Variants in CCDC192 observed in about 807,000 individuals in gnomAD.
The protein encoded by CCDC192 is coiled-coil domain-containing protein 192.
chr5:127,828,298 A>G (rs374373275), intron 5 of CCDC192, among the ~76,000 whole-genome samples: 1 of 152,214 alleles, frequency 6.6e-6, no homozygotes, highest in Non-Finnish European at 1.5e-5. Context: ...TTCAAGTTCT[A>G]TATATGTGGT....
intron 5 of CCDC192, among the ~76,000 whole-genome samples, chr5:127,811,949 C>T (rs1235877670): frequency 6.6e-6 from 1 of 152,162 alleles, no homozygotes; most frequent in Non-Finnish European, 1.5e-5. Context: ...TGAGTATAAA[C>T]TGCATGTATA....
chr5:127,738,652 A>G (rs1425651237), intron 2 of CCDC192, among the ~76,000 whole-genome samples: 1 of 150,368 alleles, frequency 6.7e-6, no homozygotes, highest in East Asian at 2.0e-4. Flanking sequence ...TTTTCTCTAA[A>G]CTTCCCTTCT....
At position 127,706,010 on chromosome 5, in the gene CCDC192, G is replaced by C. The variant is rs369631761; in HGVS notation, c.63-1699G>C. ...CTGATTTGGGTGTCGTGCGAGAAAAGCAATTACATCTCTTAGAGCACCAGT... is the reference window on the plus strand; with the variant it reads ...CTGATTTGGGTGTCGTGCGAGAAAACCAATTACATCTCTTAGAGCACCAGT... On this transcript the variant is annotated intron_variant, in intron 1 of 6. Transcript: ENST00000514853. 1.4e-4 allele frequency among the ~76,000 whole-genome samples: 21 copies of C among 152,258 alleles called. No individual in the cohort carries two copies. The South Asian group carries it at 2.3e-3, about 17-fold the overall frequency.
intron 6 of CCDC192, chr5:127,935,297 G>C (rs927212179): frequency 6.6e-6 from 1 of 152,196 alleles, no homozygotes; most frequent in Admixed American, 6.5e-5. Context: ...GACTATGGAG[G>C]ATACTTGGGA....
intron 3 of CCDC192, among the ~76,000 whole-genome samples, chr5:127,757,661 G>T (rs1479379671): frequency 6.6e-6 from 1 of 151,548 alleles, no homozygotes; most frequent in Non-Finnish European, 1.5e-5. Flanking sequence ...TAGAACACCT[G>T]TCACAAACAA....
chr5:127,804,284 A>G (rs1030409195), intron 5 of CCDC192, among the ~76,000 whole-genome samples: 5 of 152,142 alleles, frequency 3.3e-5, no homozygotes, highest in African/African-American at 9.7e-5. Flanking sequence ...ATACCCAGAT[A>G]TTCTCTACAA....
intron 6 of CCDC192, among the ~76,000 whole-genome samples, chr5:127,930,227 CTAAAG>C (rs1210688455): frequency 5.1e-4 from 16 of 31,100 alleles, no homozygotes; most frequent in Admixed American, 1.1e-3. Flanking sequence ...CTAAACTAAA[CTAAAG>C]TAAACTAAAC....
intron 3 of CCDC192, among the ~76,000 whole-genome samples, chr5:127,772,477 A>G (rs1755616916): frequency 6.6e-6 from 1 of 151,794 alleles, no homozygotes; most frequent in African/African-American, 2.4e-5. Flanking sequence ...AAAAAAAAAA[A>G]AAAAAAGTCA....
chr5:127,871,009 G>A (rs952177491), intron 5 of CCDC192, among the ~76,000 whole-genome samples: 9 of 152,242 alleles, frequency 5.9e-5, no homozygotes, highest in East Asian at 3.9e-4. Context: ...GGCTCTCTAA[G>A]TGAAGGAGGC....
chr5:127,938,124 C>A (rs907673407), intron 6 of CCDC192, among the ~76,000 whole-genome samples: 1 of 152,080 alleles, frequency 6.6e-6, no homozygotes, highest in African/African-American at 2.4e-5. Flanking sequence ...TCACTTCGAC[C>A]CACCTGAATC....
chr5:127,787,064 T>A, intron 3 of CCDC192: 2 of 280,362 alleles, frequency 7.1e-6, no homozygotes, highest in South Asian at 1.0e-4. Context: ...TCTAAAGCTG[T>A]CCAGTGCAGC....
At chr5:127,785,093 CTG>C in intron 3 of CCDC192, 1 of 516,924 alleles carries the variant, frequency 1.9e-6, no homozygotes, top group Non-Finnish European at 3.9e-6. Context: ...TAGGCATCTT[CTG>C]TGTTGTACTG....
intron 3 of CCDC192, among the ~76,000 whole-genome samples, chr5:127,793,121 A>G (rs1247685327): frequency 6.6e-6 from 1 of 152,210 alleles, no homozygotes; most frequent in Non-Finnish European, 1.5e-5. Flanking sequence ...ATATGTACAT[A>G]TACTTTCTGA....
intron 5 of CCDC192, among the ~76,000 whole-genome samples, chr5:127,875,107 C>T (rs2127133456): frequency 6.6e-6 from 1 of 152,148 alleles, no homozygotes; most frequent in South Asian, 2.1e-4. Flanking sequence ...GAAAGCAAAC[C>T]ATTATGGTGT....
At chr5:127,861,419 C>G (rs1751365133) in intron 5 of CCDC192, among the ~76,000 whole-genome samples, 1 of 151,242 alleles carries the variant, frequency 6.6e-6, no homozygotes, top group East Asian at 2.0e-4. Flanking sequence ...GTTTTGGAGG[C>G]CGAGGTGGGC....
chr5:127,706,525 G>GAAAAAAAAAAAAA (rs1224118510), intron 1 of CCDC192, among the ~76,000 whole-genome samples: 1 of 60,278 alleles, frequency 1.7e-5, no homozygotes, highest in African/African-American at 6.9e-5. Flanking sequence ...CTCCATCTCA[G>GAAAAAAAAAAAAA]AAAAAAAAAA....
chr5:127,870,212 G>T (rs1333372909), intron 5 of CCDC192, among the ~76,000 whole-genome samples: 2 of 152,148 alleles, frequency 1.3e-5, no homozygotes, highest in Non-Finnish European at 2.9e-5. Context: ...TAAAGGGAAA[G>T]AACAATACCT....
intron 3 of CCDC192, among the ~76,000 whole-genome samples, chr5:127,775,430 TCTTGCCCATGTTTTCCC>T: frequency 6.6e-6 from 1 of 152,184 alleles, no homozygotes; most frequent in Non-Finnish European, 1.5e-5. Flanking sequence ...CAACAAGGGC[TCTTGCCCATGTTTTCCC>T]CTTGCTCCCT....
chr5:127,774,139 TC>T (rs551156271), intron 3 of CCDC192, among the ~76,000 whole-genome samples: 182 of 152,280 alleles, frequency 1.2e-3, no homozygotes, highest in African/African-American at 3.7e-3. Flanking sequence ...AATTGTAAGT[TC>T]TTTATATATT....
Sources: gnomAD v4.1 joint callset for allele counts (sites outside exome capture counted in the v4.1 genomes callset) on GRCh38, gnomAD v4.1.1 for gene constraint, MANE v1.5 for transcripts, NCBI Gene and HGNC (gene_info 2026-07-23, HGNC 2026-07-21) for gene names.